Variants in ANKFN1 observed in about 807,000 individuals in gnomAD.
ANKFN1 encodes ankyrin repeat and fibronectin type III domain containing 1.
Under a neutral mutation model 108.7 loss-of-function variants are expected in ANKFN1, and 74 were observed. The ratio of observed to expected loss-of-function variants is 0.68; its 90% CI spans 0.56 to 0.83. The LOEUF (loss-of-function observed/expected upper bound fraction) is 0.83, where lower values mean the gene tolerates loss of function less well. Among genes scored for constraint, ANKFN1 ranks in the 40% least tolerant of loss-of-function variants. ANKFN1 has a pLI of 0.00. For synonymous variants in ANKFN1, 547 were observed against 516.2 expected, an observed-to-expected ratio of 1.06 and a Z score of -0.81; for missense variants, 1,505 against 1,382.3, an observed-to-expected ratio of 1.09 and a Z score of -1.41.
chr17:56,363,908 G>A (rs2046590598), intron 6 of ANKFN1, among the ~76,000 whole-genome samples: 1 of 152,130 alleles, frequency 6.6e-6, no homozygotes, highest in Admixed American at 6.6e-5. Context: ...GCAGAAAGTG[G>A]AATGGTGGTT....
rs916784090 is a variant in ANKFN1, at chr17:56,174,691, TACTC to T, written c.-71+21166_-71+21169del. Among the ~76,000 whole-genome samples, 414 of 152,326 alleles carry T rather than the reference TACTC, an allele frequency of 2.7e-3. 2 individuals carry two copies. Among genetic ancestry groups the T allele is most frequent in the African/African-American group, 9.4e-3 (392 of 41,574 alleles). On this transcript the variant is annotated intron_variant, in intron 1 of 20. Transcript: ENST00000682825. Reference sequence around the variant, plus strand: ...CTCCAGGGACACTCAGACCCCTACCTACTCACTCTCAAATCTATTCACTGACTCC... The same window carrying T: ...CTCCAGGGACACTCAGACCCCTACCTACTCTCAAATCTATTCACTGACTCC...
intron 3 of ANKFN1, chr17:56,228,183 C>T (rs539297226): frequency 2.2e-5 from 10 of 459,968 alleles, no homozygotes; most frequent in African/African-American, 6.2e-5. Context: ...AATATTACGT[C>T]TAAAGGTAGA....
intron 4 of ANKFN1, 76 bp from the exon 5 acceptor site, chr17:56,350,690 C>A (rs1342572238): frequency 1.5e-6 from 2 of 1,349,318 alleles, no homozygotes; most frequent in Non-Finnish European, 2.1e-6. Context: ...CAGATACTGA[C>A]TGGAGATGAT....
At chr17:56,357,115 A>G (rs530564983) in intron 6 of ANKFN1, among the ~76,000 whole-genome samples, 34 of 152,290 alleles carry the variant, frequency 2.2e-4, no homozygotes, top group African/African-American at 7.5e-4. Flanking sequence ...TAAAGGACAA[A>G]TGGTGGGAGA....
chr17:56,487,330 G>A (rs1251515170), intron 18 of ANKFN1, among the ~76,000 whole-genome samples: 1 of 152,096 alleles, frequency 6.6e-6, no homozygotes, highest in African/African-American at 2.4e-5. Flanking sequence ...GGAACAGAAG[G>A]AAAAGCAGCA....
intron 2 of ANKFN1, among the ~76,000 whole-genome samples, chr17:56,227,315 A>C (rs1361694229): frequency 6.6e-6 from 1 of 152,168 alleles, no homozygotes; most frequent in African/African-American, 2.4e-5. Context: ...GCATAGGCAC[A>C]GTCTAATTGT....
chr17:56,205,943 C>T (rs1914495116), intron 1 of ANKFN1, among the ~76,000 whole-genome samples: 1 of 151,792 alleles, frequency 6.6e-6, no homozygotes, highest in Non-Finnish European at 1.5e-5. Flanking sequence ...TCACAAGTCT[C>T]TTCATCACCT....
intron 4 of ANKFN1, among the ~76,000 whole-genome samples, chr17:56,327,404 C>T (rs1433851879): frequency 2.0e-5 from 3 of 152,110 alleles, no homozygotes; most frequent in African/African-American, 7.2e-5. Flanking sequence ...TGCAGTATAT[C>T]ACTGGCTGTT....
At chr17:56,363,927 A>G (rs972728267) in intron 6 of ANKFN1, among the ~76,000 whole-genome samples, 1 of 152,150 alleles carries the variant, frequency 6.6e-6, no homozygotes, top group Non-Finnish European at 1.5e-5. Context: ...TTACAGAGTC[A>G]GGGGGTTGGG....
chr17:56,183,663 A>T (rs1408558516), intron 1 of ANKFN1, among the ~76,000 whole-genome samples: 1 of 152,142 alleles, frequency 6.6e-6, no homozygotes, highest in Non-Finnish European at 1.5e-5. Context: ...AGCCAAGCAG[A>T]TGCTGGTGCC....
chr17:56,120,512 C>A (rs1906551408), intron 4 of ANKFN1, among the ~76,000 whole-genome samples: 1 of 152,094 alleles, frequency 6.6e-6, no homozygotes, highest in Non-Finnish European at 1.5e-5. Flanking sequence ...TTGGAATATG[C>A]CATGCCTAAT....
rs61754863 is a variant in ANKFN1, at chr17:56,492,231, C to T, written c.2305C>T (p.Arg769Cys). 6.8e-4 allele frequency: 479 copies of T among 702,434 alleles called. No individual in the cohort carries two copies. In the African/African-American group the frequency reaches 6.8e-3, roughly 10 times the overall value. 43.5% of individuals were successfully genotyped at this position (702,434 alleles called of 1,614,324 possible). A position where few individuals can be genotyped will look rare whatever the true frequency, so the allele number is the denominator to read the frequency against. ...AGAGAAATTTATTAGTCTGTATTGC[C>T]GCCTTTCTGCTGTTGTGGAGCTGGA... is the stretch of plus-strand genomic sequence containing the variant. The part of the protein sequence containing the change: ...YREKFISLYC[R>C]LSAVVELDSL... Residue 769 changes from arginine to cysteine, a missense_variant, in exon 19 of 21, where the codon CGC (arginine) becomes TGC (cysteine). Coordinates refer to ENST00000682825, the MANE Select transcript of ANKFN1 (RefSeq NM_001370326.1).
At chr17:56,214,316 G>A (rs1241252852) in intron 2 of ANKFN1, among the ~76,000 whole-genome samples, 2 of 152,190 alleles carry the variant, frequency 1.3e-5, no homozygotes, top group African/African-American at 4.8e-5. Flanking sequence ...ATCTCTGTCT[G>A]AGATGGTGAA....
intron 8 of ANKFN1, among the ~76,000 whole-genome samples, chr17:56,426,715 G>GA (rs1007654338): frequency 2.6e-5 from 4 of 152,106 alleles, no homozygotes; most frequent in African/African-American, 9.7e-5. Flanking sequence ...ACAGGGTTCT[G>GA]AAAAAAATAA....
chr17:56,326,560 G>A (rs1567915860), intron 4 of ANKFN1, among the ~76,000 whole-genome samples: 1 of 152,200 alleles, frequency 6.6e-6, no homozygotes, highest in African/African-American at 2.4e-5. Flanking sequence ...ACGTCCCTGT[G>A]GAGAGAGAGG....
chr17:56,475,781 T>C (rs936831298), intron 15 of ANKFN1, among the ~76,000 whole-genome samples: 13 of 152,194 alleles, frequency 8.5e-5, no homozygotes, highest in Admixed American at 2.0e-4. Context: ...ACTCTCTTAG[T>C]TGTTTAACCC....
intron 19 of ANKFN1, among the ~76,000 whole-genome samples, chr17:56,493,763 T>C (rs1418720238): frequency 6.6e-6 from 1 of 152,094 alleles, no homozygotes; most frequent in Non-Finnish European, 1.5e-5. Context: ...TTCACTCTTA[T>C]TGGTCATGCT....
At chr17:56,368,366 G>A (rs1414605023) in intron 6 of ANKFN1, among the ~76,000 whole-genome samples, 9 of 134,782 alleles carry the variant, frequency 6.7e-5, no homozygotes, top group Admixed American at 2.5e-4. Flanking sequence ...TGCAACCTCC[G>A]CCTCCCAGGT....
intron 8 of ANKFN1, among the ~76,000 whole-genome samples, chr17:56,406,442 GA>G (rs944795780): frequency 1.7e-4 from 26 of 152,072 alleles, no homozygotes; most frequent in Admixed American, 5.9e-4. Flanking sequence ...CTCCCATACT[GA>G]ATTAAATAAT....
Sources: gnomAD v4.1 joint callset for allele counts (sites outside exome capture counted in the v4.1 genomes callset) on GRCh38, gnomAD v4.1.1 for gene constraint, MANE v1.5 for transcripts, NCBI Gene and HGNC (gene_info 2026-07-23, HGNC 2026-07-21) for gene names.